Variants in QRICH2 observed in about 807,000 individuals in gnomAD.
The protein encoded by QRICH2 is glutamine-rich protein 2.
In QRICH2, 119 loss-of-function variants were observed where a neutral mutation model predicts 168.3. The ratio of observed to expected loss-of-function variants is 0.71; its 90% confidence interval spans 0.61 to 0.82. The LOEUF (loss-of-function observed/expected upper bound fraction) is 0.82, where lower values mean the gene tolerates loss of function less well. Ranked by LOEUF, QRICH2 falls within the 40% of genes least tolerant of loss-of-function variation. QRICH2 has a pLI of 0.00. For synonymous variants in QRICH2, 894 were observed against 951.2 expected, an observed-to-expected ratio of 0.94 and a Z score of 1.11; for missense variants, 2,241 against 2,491.6, an observed-to-expected ratio of 0.90 and a Z score of 2.14.
At chr17:76,287,347 G>A (rs772450881) in intron 6 of QRICH2, 41 bp from the exon 7 acceptor site, 5 of 1,465,950 alleles carry the variant, frequency 3.4e-6, no homozygotes, top group South Asian at 1.1e-5. Context: ...CCACACTCAG[G>A]CCAGACCCAT....
Position 76,293,238 on chromosome 17 carries a change from T to C in QRICH2, c.1489A>G (p.Ile497Val). 6.2e-7 allele frequency: 1 copy of C among 1,613,966 alleles called. No homozygotes were observed. The highest frequency in any genetic ancestry group is 8.5e-7 in the Non-Finnish European group (1 of 1,180,014). Residue 497 changes from isoleucine to valine, a missense_variant, in exon 4 of 19, where the codon ATA becomes GTA. Around this residue, in one of 3 missense-constraint regions of QRICH2, gnomAD observed 2,047 missense variants for 2,303.8 expected, o/e 0.89. Transcript: ENST00000680821. ...AGTCCTTGCTGACCCATGCCTGATA[T>C]TACACATCCACGCTGATCCATGCCA... ...PLGMDQRGCV[I>V]SGMGQQGLVP...
At chr17:76,287,043 AACACACACACACACACAC>A (rs56258903) in intron 7 of QRICH2, 131 bp downstream of exon 7, 7 of 203,180 alleles carry the variant, frequency 3.4e-5, no homozygotes, top group Admixed American at 6.4e-5. Flanking sequence ...CACACCACAT[AACACACACACACACACAC>A]ACACACACAC....
At position 76,280,229 on chromosome 17, in the gene QRICH2, G is replaced by C; in HGVS notation, c.4626+58C>G. 2 of 1,609,320 alleles carry C rather than the reference G, an allele frequency of 1.2e-6. No individual in the cohort carries two copies. Among genetic ancestry groups the C allele is most frequent in the South Asian group, 1.1e-5 (1 of 90,492 alleles). On this transcript the variant is annotated intron_variant, in intron 11 of 18. Coordinates refer to ENST00000680821, the MANE Select transcript of QRICH2 (RefSeq NM_001388453.1). The surrounding 1 kb of genome is among the most constrained non-coding windows in gnomAD (Gnocchi z 7.4). ...GGCTGACCCAGGAGAAGGTGGTGCT[G>C]TCCCGATCCTGGGGGCAAGGCTGTG...
chr17:76,277,909 T>A lies in QRICH2; in HGVS notation c.5117+80A>T, dbSNP rs937168335. The A allele has an allele frequency of 5.4e-6, 8 of 1,475,424 alleles. No individual in the cohort carries two copies. The East Asian group carries it at 1.6e-4, about 29-fold the overall frequency. 91.4% of individuals were successfully genotyped at this position (1,475,424 alleles called of 1,614,324 possible). On this transcript the variant is annotated intron_variant, in intron 15 of 18. Coordinates refer to ENST00000680821, the MANE Select transcript of QRICH2 (RefSeq NM_001388453.1). ...TCTCCCCCAGCAGTGGGGCAAGGCA[T>A]TTGCACAGCCGTGCACGAGCAGAAG...
intron 7 of QRICH2, among the ~76,000 whole-genome samples, chr17:76,284,912 T>G (rs528665819): frequency 9.3e-5 from 14 of 150,082 alleles, no homozygotes; most frequent in African/African-American, 3.4e-4. Context: ...GAAACGCACA[T>G]CAAAACTATA....
Position 76,281,905 on chromosome 17 carries a change from C to T in QRICH2, c.4222G>A (p.Ala1408Thr). Residue 1408 changes from alanine to threonine, a missense_variant, in exon 8 of 19, where the codon GCC (alanine) becomes ACC (threonine). Around this residue, in one of 3 missense-constraint regions of QRICH2, gnomAD observed 2,047 missense variants for 2,303.8 expected, o/e 0.89. Coordinates refer to ENST00000680821, the MANE Select transcript of QRICH2 (RefSeq NM_001388453.1). This position sits in a 1 kb window ranked among gnomAD's most constrained non-coding sequence, Gnocchi z 4.4. ...EQLQDMVNSL[A>T]VSRPSKKAKL... ...GCCTTCTTGGAGGGTCGGGAGACGG[C>T]CAGGCTGTTGACCATGTCTTGGAGT... is the stretch of plus-strand genomic sequence containing the variant. 2 of 1,613,714 alleles carry T rather than the reference C, an allele frequency of 1.2e-6. No homozygotes were observed. The highest frequency in any genetic ancestry group is 2.2e-5 in the South Asian group (2 of 91,084).
At position 76,279,989 on chromosome 17, in the gene QRICH2, C is replaced by A. The variant is rs143240660; in HGVS notation, c.4748+44G>T. The A allele has an allele frequency of 3.2e-6, 5 of 1,567,580 alleles. No homozygotes were observed. The African/African-American group carries it at 6.8e-5, about 21-fold the overall frequency. ...CCCCCAGCCCCCTCTGCCCTCACCC[C>A]CTGAAGAGCGTGCCAGCCTCCTCCC... On this transcript the variant is annotated intron_variant, in intron 12 of 18. Transcript: ENST00000680821.
At chr17:76,301,484 CT>C in intron 3 of QRICH2, 1 of 228,920 alleles carries the variant, frequency 4.4e-6, no homozygotes, top group South Asian at 4.0e-5. Context: ...AGGAGGATTG[CT>C]TGAGCCCCAG....
Position 76,307,524 on chromosome 17 carries a change from C to T in QRICH2, c.475G>A (p.Asp159Asn), listed in dbSNP as rs200951861. 26 of 1,609,996 alleles carry T rather than the reference C, an allele frequency of 1.6e-5. No individual in the cohort carries two copies. In the East Asian group the frequency reaches 4.9e-4, roughly 31 times the overall value. The change falls in exon 1 of 19, where the codon GAT (aspartate) becomes AAT (asparagine). Residue 159 changes from aspartate to asparagine, a missense_variant. Physicochemically the swap from Asp to Asn is conservative, Grantham distance 23. This residue lies in a region of QRICH2 where 2,047 missense variants were observed against 2,303.8 expected (regional missense o/e 0.89). Transcript: ENST00000680821. The surrounding 1 kb of genome is among the most constrained non-coding windows in gnomAD (Gnocchi z 5.3). ...EEQEVGVRAF[D>N]RVRTGSIMKD... ...ATGATACTCCCAGTCCGCACCCTAT[C>T]GAACGCCCGCACGCCCACCTCCTGC...
chr17:76,286,215 A>G (rs1326870288), intron 7 of QRICH2, among the ~76,000 whole-genome samples: 1 of 152,200 alleles, frequency 6.6e-6, no homozygotes, highest in African/African-American at 2.4e-5. Context: ...TAGCAGCATT[A>G]TTCATAATAG....
At chr17:76,295,826 C>T (rs2070785109) in intron 3 of QRICH2, among the ~76,000 whole-genome samples, 1 of 152,146 alleles carries the variant, frequency 6.6e-6, no homozygotes, top group South Asian at 2.1e-4. Flanking sequence ...GTCACCAATA[C>T]AGTAGATGCT....
chr17:76,302,667 G>A (rs1002848366), intron 3 of QRICH2, among the ~76,000 whole-genome samples: 12 of 152,162 alleles, frequency 7.9e-5, no homozygotes, highest in Non-Finnish European at 1.6e-4. Flanking sequence ...AGAGCTGCCA[G>A]AGGAAACCAG....
In QRICH2 at chr17:76,280,554, C is replaced by T. The variant is rs2070768184; in HGVS notation, c.4461+100G>A. 6.3e-7 allele frequency: 1 copy of T among 1,591,346 alleles called. No individual in the cohort carries two copies. The highest frequency in any genetic ancestry group is 1.7e-4 in the Middle Eastern group (1 of 5,922). ...CTATCACCAGGCAGGTTTCTGAGAG[C>T]CCACACTCGTCTCGCCAGCTCCCCT... On this transcript the variant is annotated intron_variant, in intron 10 of 18. Coordinates refer to ENST00000680821, the MANE Select transcript of QRICH2 (RefSeq NM_001388453.1). The surrounding 1 kb of genome is among the most constrained non-coding windows in gnomAD (Gnocchi z 7.4).
At chr17:76,309,638 C>G (rs1293693076), upstream of QRICH2, 1 of 152,230 alleles carries the variant, frequency 6.6e-6, no homozygotes. Flanking sequence ...TGAACACGTA[C>G]AGATTCCTGT....
At position 76,289,980 on chromosome 17, in the gene QRICH2, A is replaced by T. The variant is rs368762133; in HGVS notation, c.3798+12T>A. Reference sequence around the variant, plus strand: ...AAAAAAAAAAAGACAAAGTGGGTTGACTCTTCCTTACTTTTGCTTTCTCCT... The same window carrying T: ...AAAAAAAAAAAGACAAAGTGGGTTGTCTCTTCCTTACTTTTGCTTTCTCCT... On this transcript the variant is annotated intron_variant, in intron 5 of 18. Coordinates refer to ENST00000680821, the MANE Select transcript of QRICH2 (RefSeq NM_001388453.1). 4.5e-6 allele frequency: 7 copies of T among 1,569,274 alleles called. No homozygotes were observed. The highest frequency in any genetic ancestry group is 6.1e-6 in the Non-Finnish European group (7 of 1,149,916).
At chr17:76,295,105 T>TAAAA (rs2070775531) in intron 3 of QRICH2, among the ~76,000 whole-genome samples, 1 of 140,008 alleles carries the variant, frequency 7.1e-6, no homozygotes, top group Admixed American at 7.0e-5. Context: ...AATAAATAAA[T>TAAAA]AAAATTAGCT....
chr17:76,293,885 G>T lies in QRICH2; in HGVS notation c.842C>A (p.Pro281Gln). The T allele has an allele frequency of 6.2e-7, 1 of 1,614,158 alleles. No individual in the cohort carries two copies. Among genetic ancestry groups the T allele is most frequent in the Non-Finnish European group, 8.5e-7 (1 of 1,180,044 alleles). ...QALDSASGLG[P>Q]DRTASGSGGT... ...ACCAGATCCTGATGCAGTCCGATCC[G>T]GGCCAAGACCACTGGCAGAATCCAG... The change falls in exon 4 of 19, where the codon CCG becomes CAG. Residue 281 changes from proline (P) to glutamine (Q), a missense_variant. Physicochemically the swap from Pro to Gln is moderately conservative, Grantham distance 76. Coordinates refer to ENST00000680821, the MANE Select transcript of QRICH2 (RefSeq NM_001388453.1).
At chr17:76,284,382 G>A (rs1408725556) in intron 7 of QRICH2, among the ~76,000 whole-genome samples, 3 of 142,434 alleles carry the variant, frequency 2.1e-5, no homozygotes, top group Non-Finnish European at 4.4e-5. Context: ...CACAGAATGG[G>A]AGAAAATATT....
intron 15 of QRICH2, 93 bp downstream of exon 15, chr17:76,277,896 G>A: frequency 1.5e-6 from 2 of 1,364,084 alleles, no homozygotes; most frequent in Non-Finnish European, 1.0e-6. Context: ...TCCCCCAGCA[G>A]TGGGGCAAGG....
Sources: allele counts gnomAD v4.1 joint callset (sites outside exome capture counted in the v4.1 genomes callset), GRCh38; gene constraint gnomAD v4.1.1; regional missense constraint gnomAD v4.1.1; non-coding constraint Gnocchi (gnomAD v3.1); transcripts MANE v1.5; gene names NCBI Gene and HGNC (gene_info 2026-07-23, HGNC 2026-07-21).